SLC6A11: variants seen among roughly 807,000 people sequenced by gnomAD.
SLC6A11 encodes the protein sodium- and chloride-dependent GABA transporter 3.
Under a neutral mutation model 74.8 loss-of-function variants are expected in SLC6A11, and 25 were observed. That is an observed-to-expected ratio of 0.33 (90% CI 0.24 to 0.47). The LOEUF is 0.47. Among genes scored for constraint, SLC6A11 ranks in the 20% least tolerant of loss-of-function variants. The probability of loss-of-function intolerance (pLI) is 1.00; values close to 1 mark genes in which losing one functional copy is unlikely to be tolerated. For synonymous variants in SLC6A11, 330 were observed against 330.2 expected (o/e 1.00, Z 0.01); for missense variants, 574 against 837.0 (o/e 0.69, Z 3.88).
chr3:10,834,640 CCTTG>C (rs780674624), intron 4 of SLC6A11, among the ~76,000 whole-genome samples: 1 of 152,090 alleles, frequency 6.6e-6, no homozygotes, highest in Non-Finnish European at 1.5e-5. Context: ...CACACACATC[CCTTG>C]CTTGTGCTTT....
intron 6 of SLC6A11, among the ~76,000 whole-genome samples, chr3:10,882,407 C>T (rs907689912): frequency 6.6e-5 from 10 of 152,156 alleles, no homozygotes; most frequent in Non-Finnish European, 1.2e-4. Context: ...CCTGGTGCAT[C>T]TCATCTGTCT....
intron 5 of SLC6A11, among the ~76,000 whole-genome samples, chr3:10,848,673 G>A (rs1694536094): frequency 6.6e-6 from 1 of 152,202 alleles, no homozygotes; most frequent in South Asian, 2.1e-4. Flanking sequence ...GGACAGCCTT[G>A]TCTCCGCAGA....
At chr3:10,866,900 C>T (rs1307379126) in intron 5 of SLC6A11, among the ~76,000 whole-genome samples, 2 of 152,116 alleles carry the variant, frequency 1.3e-5, no homozygotes, top group African/African-American at 2.4e-5. Flanking sequence ...CATTTTATTC[C>T]CAAAGATAAA....
chr3:10,918,199 A>G lies in SLC6A11; in HGVS notation c.996-130A>G. 1 of 1,035,120 alleles carries G rather than the reference A, an allele frequency of 9.7e-7. No homozygotes were observed. The highest frequency in any genetic ancestry group is 2.2e-5 in the South Asian group (1 of 45,248). 64.1% of individuals were successfully genotyped at this position (1,035,120 alleles called of 1,614,324 possible). A position where few individuals can be genotyped will look rare whatever the true frequency, so the allele number is the denominator to read the frequency against. On this transcript the variant is annotated intron_variant, in intron 7 of 13. Coordinates refer to ENST00000254488, the MANE Select transcript of SLC6A11 (RefSeq NM_014229.3). The surrounding 1 kb of genome is among the most constrained non-coding windows in gnomAD (Gnocchi z 4.5). ...GAACCATGAGTGCTCCATCAGAAAAACAGAGCTCCCTGTGCCTGCACTTCC... is the reference window on the plus strand; with the variant it reads ...GAACCATGAGTGCTCCATCAGAAAAGCAGAGCTCCCTGTGCCTGCACTTCC...
chr3:10,917,425 T>C (rs953141616), intron 7 of SLC6A11, among the ~76,000 whole-genome samples: 1 of 151,916 alleles, frequency 6.6e-6, no homozygotes, highest in Non-Finnish European at 1.5e-5. Flanking sequence ...TGGCAGGAGG[T>C]TGAACAAGGT....
intron 5 of SLC6A11, among the ~76,000 whole-genome samples, chr3:10,855,534 C>G (rs1415818519): frequency 1.3e-5 from 2 of 152,204 alleles, no homozygotes; most frequent in Non-Finnish European, 2.9e-5. Context: ...CTGAGCATCC[C>G]TGTTTGCCTC....
intron 6 of SLC6A11, among the ~76,000 whole-genome samples, chr3:10,903,084 A>G (rs1023214564): frequency 1.3e-5 from 2 of 152,158 alleles, no homozygotes; most frequent in Non-Finnish European, 2.9e-5. Context: ...ACACCCTCTT[A>G]CTGGTGCTTT....
intron 10 of SLC6A11, among the ~76,000 whole-genome samples, chr3:10,931,439 A>C (rs551033329): frequency 6.6e-6 from 1 of 152,172 alleles, no homozygotes; most frequent in Non-Finnish European, 1.5e-5. Context: ...CAAGCCCCGT[A>C]CTCCACAGAG....
chr3:10,875,753 C>T (rs940457663), intron 6 of SLC6A11, among the ~76,000 whole-genome samples: 3 of 152,144 alleles, frequency 2.0e-5, no homozygotes, highest in Non-Finnish European at 2.9e-5. Context: ...TTAGTGGGTA[C>T]ATGGTGGTGT....
At chr3:10,923,840 C>A (rs1052089982) in intron 8 of SLC6A11, among the ~76,000 whole-genome samples, 2 of 139,846 alleles carry the variant, frequency 1.4e-5, no homozygotes, top group South Asian at 2.5e-4. Flanking sequence ...GTAAACATCA[C>A]CAGTAATAAT....
chr3:10,909,959 C>T (rs1230942557), intron 6 of SLC6A11, among the ~76,000 whole-genome samples: 1 of 152,234 alleles, frequency 6.6e-6, no homozygotes, highest in Non-Finnish European at 1.5e-5. Context: ...TACCCTTTTA[C>T]TACCAGCCTA....
chr3:10,843,168 C>T (rs1361618879), intron 4 of SLC6A11, among the ~76,000 whole-genome samples: 1 of 152,112 alleles, frequency 6.6e-6, no homozygotes, highest in Non-Finnish European at 1.5e-5. Flanking sequence ...ACACAAACCC[C>T]AAGCGTGGGT....
rs1182301196 is a variant in SLC6A11, at chr3:10,844,286, C to T, written c.696C>T (p.Leu232=). The T allele has an allele frequency of 6.2e-7, 1 of 1,614,220 alleles. No homozygotes were observed. The stretch of plus-strand genomic sequence containing the variant: ...TTCGCTGGGAGCTGGCCTTGTGTCT[C>T]TTGGCAGCCTGGACCATCTGTTACT... ...GNLRWELALC[L]LAAWTICYFC... The change falls in exon 5 of 14, where the codon CTC becomes CTT. Residue 232 remains leucine, a synonymous_variant. Transcript: ENST00000254488.
intron 5 of SLC6A11, among the ~76,000 whole-genome samples, 172 bp from the exon 6 acceptor site, chr3:10,874,789 C>T (rs1222723085): frequency 1.3e-5 from 2 of 152,164 alleles, no homozygotes; most frequent in African/African-American, 4.8e-5. Flanking sequence ...CTGTGATTGG[C>T]TTGTACAGAT....
chr3:10,886,039 C>G (rs1238834092), intron 6 of SLC6A11, among the ~76,000 whole-genome samples: 2 of 152,208 alleles, frequency 1.3e-5, no homozygotes, highest in Non-Finnish European at 2.9e-5. Context: ...TGCTCAGACT[C>G]AGCTCTCTGC....
Position 10,894,577 on chromosome 3 carries a change from T to G in SLC6A11, c.892-17513T>G, listed in dbSNP as rs534652722. ...ACCATGTGATCTCACTTATCCTGTA[T>G]GTAGAATCTAGAAAAGTCAAACTCA... On this transcript the variant is annotated intron_variant, in intron 6 of 13. Coordinates refer to ENST00000254488, the MANE Select transcript of SLC6A11 (RefSeq NM_014229.3). Among the ~76,000 whole-genome samples, 16 of 152,334 alleles carry G rather than the reference T, an allele frequency of 1.1e-4. No homozygotes were observed. The South Asian group carries it at 2.9e-3, about 28-fold the overall frequency.
chr3:10,850,346 G>T (rs1303097818), intron 5 of SLC6A11, among the ~76,000 whole-genome samples: 2 of 152,286 alleles, frequency 1.3e-5, no homozygotes, highest in Admixed American at 6.5e-5. Context: ...TTGCTCATTT[G>T]CTCGCTCATT....
intron 6 of SLC6A11, among the ~76,000 whole-genome samples, chr3:10,904,434 A>G (rs2106621972): frequency 6.6e-6 from 1 of 152,246 alleles, no homozygotes; most frequent in African/African-American, 2.4e-5. Flanking sequence ...CTGTCCTCCA[A>G]ACCTCTGAAT....
intron 6 of SLC6A11, among the ~76,000 whole-genome samples, chr3:10,910,469 T>A (rs1480430427): frequency 6.6e-6 from 1 of 152,110 alleles, no homozygotes; most frequent in Non-Finnish European, 1.5e-5. Flanking sequence ...CATCTCATCT[T>A]TAAAAATGTT....
Sources: gnomAD v4.1 joint callset for allele counts (sites outside exome capture counted in the v4.1 genomes callset) on GRCh38, gnomAD v4.1.1 for gene constraint, Gnocchi (gnomAD v3.1) non-coding constraint, MANE v1.5 for transcripts, NCBI Gene and HGNC (gene_info 2026-07-23, HGNC 2026-07-21) for gene names.